ZNF91: variants seen among roughly 807,000 people sequenced by gnomAD.
ZNF91 encodes the protein zinc finger protein 91.
In ZNF91, 7 loss-of-function variants were observed where a neutral mutation model predicts 12.6. The ratio of observed to expected loss-of-function variants is 0.55; its 90% CI spans 0.31 to 1.04. The LOEUF (loss-of-function observed/expected upper bound fraction) is 1.04, where lower values mean the gene tolerates loss of function less well. ZNF91 is among the 50% of genes least tolerant of loss of function. The pLI is 0.05. For missense variants in ZNF91, 1,217 were observed against 1,385.4 expected, an observed-to-expected ratio of 0.88 and a Z score of 1.93; for synonymous variants, 453 against 462.6, an observed-to-expected ratio of 0.98 and a Z score of 0.27.
At chr19:23,356,067 G>C (rs1222501395), downstream of ZNF91, among the ~76,000 whole-genome samples, 2 of 152,080 alleles carry the variant, frequency 1.3e-5, no homozygotes, top group Non-Finnish European at 2.9e-5. Flanking sequence ...AACTGATAGA[G>C]CCACCATGGA....
chr19:23,377,008 A>G (rs1969525874), intron 1 of ZNF91, among the ~76,000 whole-genome samples: 1 of 152,106 alleles, frequency 6.6e-6, no homozygotes, highest in Admixed American at 6.5e-5. Flanking sequence ...AACTCTACCC[A>G]TTTCTGTCCT....
chr19:23,312,838 C>A (rs1967493645), upstream of ZNF91, among the ~76,000 whole-genome samples: 1 of 152,168 alleles, frequency 6.6e-6, no homozygotes, highest in African/African-American at 2.4e-5. Context: ...GTGAGACTCA[C>A]CAAGTCGACA....
chr19:23,332,466 C>T (rs1302174911), intron 1 of ZNF91, among the ~76,000 whole-genome samples: 1 of 152,070 alleles, frequency 6.6e-6, no homozygotes, highest in African/African-American at 2.4e-5. Context: ...GCTATTAGAA[C>T]TCAAACTGTT....
upstream of ZNF91, chr19:23,310,604 G>C (rs900892128): frequency 1.3e-5 from 2 of 152,222 alleles, no homozygotes; most frequent in African/African-American, 4.8e-5. Flanking sequence ...TCTTGCACGT[G>C]TGACATGTGC....
intron 1 of ZNF91, among the ~76,000 whole-genome samples, chr19:23,387,391 T>C (rs1049910274): frequency 6.6e-6 from 1 of 152,186 alleles, no homozygotes; most frequent in African/African-American, 2.4e-5. Context: ...TGGAATCAAC[T>C]TGAATGCCTA....
chr19:23,385,525 A>G (rs1969842747), intron 1 of ZNF91, among the ~76,000 whole-genome samples: 1 of 152,172 alleles, frequency 6.6e-6, no homozygotes, highest in Admixed American at 6.5e-5. Flanking sequence ...GTCAGAATCC[A>G]TTTTCAGCAG....
At position 23,359,379 on chromosome 19, in the gene ZNF91, C is replaced by G. The variant is rs576328885; in HGVS notation, c.*24G>C. On this transcript the variant is annotated 3_prime_UTR_variant, in exon 4 of 4. Transcript: ENST00000300619. ...CTGGGACTACAGGCGCCCGCCACCA[C>G]GCCCGGCTAATTTTTTGTATTTTTT... The G allele has an allele frequency of 1.2e-6, 1 of 820,892 alleles. No homozygotes were observed. The highest frequency in any genetic ancestry group is 1.9e-6 in the Non-Finnish European group (1 of 528,352). 50.9% of individuals were successfully genotyped at this position (820,892 alleles called of 1,614,324 possible).
chr19:23,363,922 A>T (rs1251232072), intron 3 of ZNF91, among the ~76,000 whole-genome samples: 1 of 152,204 alleles, frequency 6.6e-6, no homozygotes, highest in Non-Finnish European at 1.5e-5. Context: ...GAAGCTCAAC[A>T]AACTAGGATC....
At chr19:23,375,405 C>T (rs931367561) in intron 1 of ZNF91, among the ~76,000 whole-genome samples, 6 of 152,062 alleles carry the variant, frequency 3.9e-5, no homozygotes, top group Admixed American at 6.5e-5. Context: ...GTGATCCTCC[C>T]GCCTCGGCCT....
In ZNF91 at chr19:23,368,891, C is replaced by T. The variant is rs1441605172; in HGVS notation, c.253+4851G>A. ...ACAAATAAAAAAACATTTGAAAGGA[C>T]ACACAAAATTACTAATTTGTAGAGA... On this transcript the variant is annotated intron_variant, in intron 3 of 3. Transcript: ENST00000300619. Among the ~76,000 whole-genome samples, 4 of 151,956 alleles carry T rather than the reference C, an allele frequency of 2.6e-5. No homozygotes were observed. In the East Asian group the frequency reaches 7.7e-4, roughly 29 times the overall value.
intron 3 of ZNF91, among the ~76,000 whole-genome samples, chr19:23,344,069 A>G (rs1468718144): frequency 6.6e-6 from 1 of 152,166 alleles, no homozygotes; most frequent in Non-Finnish European, 1.5e-5. Flanking sequence ...CTGTGAGATT[A>G]CTGGCCAAAA....
intron 1 of ZNF91, among the ~76,000 whole-genome samples, chr19:23,395,113 T>C (rs996808162): frequency 4.6e-5 from 7 of 152,038 alleles, no homozygotes; most frequent in Non-Finnish European, 8.8e-5. Context: ...ACACAGTCAC[T>C]GGGCAGGGAA....
At chr19:23,378,301 G>A (rs921464718) in intron 1 of ZNF91, among the ~76,000 whole-genome samples, 1 of 152,144 alleles carries the variant, frequency 6.6e-6, no homozygotes, top group African/African-American at 2.4e-5. Context: ...AGTTCTGCGA[G>A]GCAAAACTCC....
intron 3 of ZNF91, among the ~76,000 whole-genome samples, chr19:23,346,177 T>C (rs1968227551): frequency 6.6e-6 from 1 of 151,958 alleles, no homozygotes; most frequent in Non-Finnish European, 1.5e-5. Context: ...AGACCCTACC[T>C]CTTATATTAG....
At chr19:23,373,994 T>G (rs891560512) in intron 2 of ZNF91, among the ~76,000 whole-genome samples, 157 bp from the exon 3 acceptor site, 4 of 152,210 alleles carry the variant, frequency 2.6e-5, no homozygotes, top group African/African-American at 9.6e-5. Flanking sequence ...GAAGATATTT[T>G]AATTTTATAG....
intron 1 of ZNF91, among the ~76,000 whole-genome samples, chr19:23,383,776 A>C (rs531940316): frequency 6.6e-6 from 1 of 152,124 alleles, no homozygotes; most frequent in Non-Finnish European, 1.5e-5. Context: ...TTCAACATAA[A>C]ATTGGAAGTC....
chr19:23,346,749 G>C (rs926347616), intron 3 of ZNF91, among the ~76,000 whole-genome samples: 1 of 152,114 alleles, frequency 6.6e-6, no homozygotes, highest in Non-Finnish European at 1.5e-5. Context: ...GAACATTGAC[G>C]GCAGCTGCTG....
chr19:23,352,928 C>T (rs1420862156), downstream of ZNF91, among the ~76,000 whole-genome samples: 1 of 152,156 alleles, frequency 6.6e-6, no homozygotes, highest in Admixed American at 6.5e-5. Flanking sequence ...AACATATATG[C>T]ACCTAACACT....
intron 3 of ZNF91, among the ~76,000 whole-genome samples, chr19:23,341,278 T>C (rs1049438807): frequency 5.3e-5 from 8 of 152,116 alleles, no homozygotes; most frequent in Non-Finnish European, 2.9e-5. Flanking sequence ...CTCAAACTTC[T>C]GACCTCATGA....
Sources: allele counts gnomAD v4.1 joint callset (sites outside exome capture counted in the v4.1 genomes callset), GRCh38; gene constraint gnomAD v4.1.1; transcripts MANE v1.5; gene names NCBI Gene and HGNC (gene_info 2026-07-23, HGNC 2026-07-21).